The following NKAIN2 variants were observed in gnomAD, a reference collection of about 807,000 sequenced individuals.
NKAIN2 encodes sodium/potassium-transporting ATPase subunit beta-1-interacting protein 2.
In NKAIN2, 14 loss-of-function variants were observed where a neutral mutation model predicts 32.6. The observed-to-expected ratio is 0.43, with a 90% CI of 0.28 to 0.67. The LOEUF (loss-of-function observed/expected upper bound fraction) is 0.67, where lower values mean the gene tolerates loss of function less well. NKAIN2 is among the 30% of genes least tolerant of loss of function. The pLI is 0.17. For synonymous variants in NKAIN2, 80 were observed against 87.2 expected (o/e 0.92, Z 0.46); for missense variants, 198 against 258.3 (o/e 0.77, Z 1.60).
chr6:124,507,032 A>G (rs1778513532), intron 3 of NKAIN2, among the ~76,000 whole-genome samples: 1 of 152,234 alleles, frequency 6.6e-6, no homozygotes, highest in African/African-American at 2.4e-5. Context: ...AGTTTTAGTG[A>G]CATCCCTCTC....
intron 1 of NKAIN2, among the ~76,000 whole-genome samples, chr6:124,064,684 A>T (rs1184605471): frequency 2.6e-5 from 4 of 152,196 alleles, no homozygotes; most frequent in Non-Finnish European, 4.4e-5. Context: ...AACAATGCCA[A>T]TTTAGATATG....
At chr6:124,075,160 G>T (rs543164811) in intron 1 of NKAIN2, among the ~76,000 whole-genome samples, 4 of 152,036 alleles carry the variant, frequency 2.6e-5, no homozygotes, top group African/African-American at 7.2e-5. Context: ...TGTTATTGTC[G>T]TTAAGTCTAT....
chr6:124,726,399 C>T (rs1012615324), intron 4 of NKAIN2, among the ~76,000 whole-genome samples: 2 of 152,116 alleles, frequency 1.3e-5, no homozygotes, highest in African/African-American at 2.4e-5. Context: ...GGTCCCTGAC[C>T]CATGACCCCT....
chr6:124,236,698 A>G (rs1484393046), intron 1 of NKAIN2, among the ~76,000 whole-genome samples: 1 of 152,142 alleles, frequency 6.6e-6, no homozygotes, highest in Non-Finnish European at 1.5e-5. Flanking sequence ...TATTTTAACA[A>G]TCTGGTTTGG....
intron 1 of NKAIN2, among the ~76,000 whole-genome samples, chr6:124,138,023 T>G (rs183264446): frequency 6.6e-6 from 1 of 152,052 alleles, no homozygotes; most frequent in Admixed American, 6.6e-5. Context: ...TGGAACCTAC[T>G]TAAACTAAAA....
At chr6:124,655,997 C>G (rs1307762895) in intron 3 of NKAIN2, among the ~76,000 whole-genome samples, 3 of 152,054 alleles carry the variant, frequency 2.0e-5, no homozygotes, top group Non-Finnish European at 2.9e-5. Flanking sequence ...CCAAGCCTGG[C>G]TGCCCTCATG....
chr6:123,887,977 T>C (rs1017521359), intron 1 of NKAIN2, among the ~76,000 whole-genome samples: 7 of 152,260 alleles, frequency 4.6e-5, no homozygotes, highest in East Asian at 1.9e-4. Context: ...ACAATGATGA[T>C]GAGAATACTA....
chr6:124,459,604 G>A (rs982960560), intron 3 of NKAIN2, among the ~76,000 whole-genome samples: 2 of 151,812 alleles, frequency 1.3e-5, no homozygotes, highest in African/African-American at 4.8e-5. Flanking sequence ...CTGTAAGTTT[G>A]TCTTATGATC....
chr6:124,076,870 C>T (rs1245434971), intron 1 of NKAIN2, among the ~76,000 whole-genome samples: 4 of 152,172 alleles, frequency 2.6e-5, no homozygotes, highest in Admixed American at 6.6e-5. Flanking sequence ...GTTTTACAAT[C>T]CCTCATGCCT....
intron 1 of NKAIN2, among the ~76,000 whole-genome samples, chr6:124,054,621 G>A (rs1582545620): frequency 6.6e-6 from 1 of 152,032 alleles, no homozygotes; most frequent in African/African-American, 2.4e-5. Flanking sequence ...TCTAGCCATA[G>A]AGTCAGAATG....
At chr6:124,312,314 ACT>A (rs1160183787) in intron 2 of NKAIN2, among the ~76,000 whole-genome samples, 1 of 151,988 alleles carries the variant, frequency 6.6e-6, no homozygotes, top group Admixed American at 6.6e-5. Flanking sequence ...CAGTTCTGAC[ACT>A]CTACCTGGAG....
chr6:124,389,932 G>A (rs1404042359), intron 3 of NKAIN2, among the ~76,000 whole-genome samples: 2 of 151,918 alleles, frequency 1.3e-5, no homozygotes, highest in African/African-American at 2.4e-5. Context: ...GTTGAAGAGG[G>A]CATGGAAATG....
At chr6:124,576,566 G>GT (rs1781343264) in intron 3 of NKAIN2, among the ~76,000 whole-genome samples, 1 of 152,146 alleles carries the variant, frequency 6.6e-6, no homozygotes, top group East Asian at 1.9e-4. Flanking sequence ...GGGGCAGCGT[G>GT]TTAACATTTG....
intron 3 of NKAIN2, among the ~76,000 whole-genome samples, chr6:124,447,685 G>T (rs975958260): frequency 1.3e-5 from 2 of 152,252 alleles, no homozygotes; most frequent in African/African-American, 2.4e-5. Flanking sequence ...CAAGCATTCT[G>T]CTATCCTGTA....
chr6:123,895,553 G>T (rs1774239626), intron 1 of NKAIN2, among the ~76,000 whole-genome samples: 1 of 152,106 alleles, frequency 6.6e-6, no homozygotes, highest in Non-Finnish European at 1.5e-5. Flanking sequence ...CTGATTCTTG[G>T]TCTACTTACC....
At chr6:124,561,803 C>A (rs1254335179) in intron 3 of NKAIN2, among the ~76,000 whole-genome samples, 1 of 152,142 alleles carries the variant, frequency 6.6e-6, no homozygotes, top group Admixed American at 6.5e-5. Context: ...CTGGGTGGCT[C>A]CTTTGCACTT....
intron 4 of NKAIN2, among the ~76,000 whole-genome samples, chr6:124,708,385 AT>A (rs1392302889): frequency 2.0e-5 from 3 of 151,610 alleles, no homozygotes; most frequent in African/African-American, 7.3e-5. Context: ...GAAGAAAGTC[AT>A]TGGTAGCTTG....
intron 3 of NKAIN2, among the ~76,000 whole-genome samples, chr6:124,463,007 A>G (rs1033828178): frequency 3.9e-5 from 6 of 152,156 alleles, no homozygotes; most frequent in African/African-American, 1.4e-4. Context: ...GAAGCCTGTC[A>G]GCAAAGAAAA....
chr6:124,378,176 C>T (rs1182061472), intron 3 of NKAIN2, among the ~76,000 whole-genome samples: 2 of 152,164 alleles, frequency 1.3e-5, no homozygotes, highest in East Asian at 3.9e-4. Flanking sequence ...GCCCAATGCA[C>T]TTTGGGCTGC....
Sources: gnomAD v4.1 joint callset for allele counts (sites outside exome capture counted in the v4.1 genomes callset) on GRCh38, gnomAD v4.1.1 for gene constraint, MANE v1.5 for transcripts, NCBI Gene and HGNC (gene_info 2026-07-23, HGNC 2026-07-21) for gene names.